NEUROD4: variants seen among roughly 807,000 people sequenced by gnomAD.
NEUROD4 encodes neuronal differentiation 4.
NEUROD4 carries 16 observed loss-of-function variants against 19.8 expected under a neutral mutation model. The ratio of observed to expected loss-of-function variants is 0.81; its 90% CI spans 0.55 to 1.23. NEUROD4 has a LOEUF of 1.23. Ranked by LOEUF, NEUROD4 falls within the 50% of genes most tolerant of loss-of-function variation. NEUROD4 has a pLI of 0.00. For missense variants in NEUROD4, 439 were observed against 398.6 expected (o/e 1.10, Z -0.86); for synonymous variants, 153 against 147.9 (o/e 1.03, Z -0.25).
At chr12:55,024,748 G>T (rs1262343221) in intron 1 of NEUROD4, among the ~76,000 whole-genome samples, 1 of 152,162 alleles carries the variant, frequency 6.6e-6, no homozygotes, top group African/African-American at 2.4e-5. Context: ...AAGTTCCAAT[G>T]TGTGTTTTCA....
rs768906114 is a variant in NEUROD4 at position 55,027,421 on chromosome 12, G to C, written c.982G>C (p.Val328Leu). Reference sequence around the variant, plus strand: ...TGGTATTGGGACCCAACTCAATACAGTCTTCACTGAGTGAGGCAGTTAAGT... The same window carrying C: ...TGGTATTGGGACCCAACTCAATACACTCTTCACTGAGTGAGGCAGTTAAGT... Reference protein sequence around the residue: ...HHGIGTQLNTVFTE With the variant: ...HHGIGTQLNTLFTE The change falls in exon 2 of 2, where the codon GTC becomes CTC. Residue 328 changes from valine (V) to leucine (L), a missense_variant. Coordinates refer to ENST00000242994, the MANE Select transcript of NEUROD4 (RefSeq NM_021191.3). 4 of 1,604,432 alleles carry C rather than the reference G, an allele frequency of 2.5e-6. No homozygotes were observed. The highest frequency in any genetic ancestry group is 1.7e-5 in the Admixed American group (1 of 58,510).
intron 1 of NEUROD4, among the ~76,000 whole-genome samples, chr12:55,025,281 T>C (rs1952715223): frequency 6.6e-6 from 1 of 152,268 alleles, no homozygotes; most frequent in Non-Finnish European, 1.5e-5. Context: ...TGTTAGTGAA[T>C]TAAAGTAGTC....
Position 55,027,481 on chromosome 12 carries a change from C to T in NEUROD4, c.*46C>T, listed in dbSNP as rs752425590. The stretch of plus-strand genomic sequence containing the variant: ...CAGAGAATGACGTGGAGACATTTTC[C>T]ATAATTCAAGTGGTTGAGCTAAAGA... On this transcript the variant is annotated 3_prime_UTR_variant, in exon 2 of 2. Transcript: ENST00000242994. 4 of 1,528,522 alleles carry T rather than the reference C, an allele frequency of 2.6e-6. No individual in the cohort carries two copies. The highest frequency in any genetic ancestry group is 2.3e-5 in the East Asian group (1 of 44,254). 94.7% of individuals were successfully genotyped at this position (1,528,522 alleles called of 1,614,324 possible).
Position 55,028,393 on chromosome 12 carries a change from C to A in NEUROD4, c.*958C>A, listed in dbSNP as rs1193285815. 1.8e-5 allele frequency: 3 copies of A among 166,986 alleles called. No individual in the cohort carries two copies. Among genetic ancestry groups the A allele is most frequent in the Admixed American group, 6.5e-5 (1 of 15,270 alleles). 10.3% of individuals were successfully genotyped at this position (166,986 alleles called of 1,614,324 possible). ...TCAGGTGCTGCTGTTAGAATCAGCA[C>A]ACAACACAGGTTTATATTAAAGAGC... On this transcript the variant is annotated 3_prime_UTR_variant, in exon 2 of 2. Transcript: ENST00000242994.
In NEUROD4 at chr12:55,028,643, T is replaced by C; in HGVS notation, c.*1208T>C. The C allele has an allele frequency of 6.0e-6, 1 of 167,042 alleles. No individual in the cohort carries two copies. The highest frequency in any genetic ancestry group is 1.9e-4 in the East Asian group (1 of 5,196). 10.3% of individuals were successfully genotyped at this position (167,042 alleles called of 1,614,324 possible). On this transcript the variant is annotated 3_prime_UTR_variant, in exon 2 of 2. Transcript: ENST00000242994. ...TTAAATTTTTCCAACATATATGTAG[T>C]TCCTTATCTCTCCCCCTACACTAAT...
chr12:55,025,868 C>G (rs1288694600), intron 1 of NEUROD4, among the ~76,000 whole-genome samples: 1 of 152,178 alleles, frequency 6.6e-6, no homozygotes, highest in Non-Finnish European at 1.5e-5. Flanking sequence ...CTTCTAAATA[C>G]AGGTTGAGTA....
In NEUROD4 at chr12:55,028,747, A is replaced by G. The variant is rs1261186653; in HGVS notation, c.*1312A>G. Reference sequence around the variant, plus strand: ...ACATTTCAGGTGACCAAACTTAAGGATGCAGAAATGAAATCCAAGGTTGGT... The same window carrying G: ...ACATTTCAGGTGACCAAACTTAAGGGTGCAGAAATGAAATCCAAGGTTGGT... On this transcript the variant is annotated 3_prime_UTR_variant, in exon 2 of 2. Transcript: ENST00000242994. 6.0e-6 allele frequency: 1 copy of G among 167,070 alleles called. No homozygotes were observed. Among genetic ancestry groups the G allele is most frequent in the Non-Finnish European group, 1.5e-5 (1 of 68,120 alleles). The allele number at this position is 167,070 out of a possible 1,614,324, so 10.3% of individuals were successfully genotyped here. A position where few individuals can be genotyped will look rare whatever the true frequency, so the allele number is the denominator to read the frequency against.
At position 55,027,874 on chromosome 12, in the gene NEUROD4, T is replaced by C. The variant is rs144421561; in HGVS notation, c.*439T>C. 1 of 171,218 alleles carries C rather than the reference T, an allele frequency of 5.8e-6. No homozygotes were observed. The highest frequency in any genetic ancestry group is 1.9e-4 in the East Asian group (1 of 5,252). The allele number at this position is 171,218 out of a possible 1,614,324, so 10.6% of individuals were successfully genotyped here. ...TTCTGAAATGCTATAACTGTGGTGA[T>C]CACTCTTGACAATTTCTTGAAACTG... On this transcript the variant is annotated 3_prime_UTR_variant, in exon 2 of 2. Coordinates refer to ENST00000242994, the MANE Select transcript of NEUROD4 (RefSeq NM_021191.3).
chr12:55,027,348 C>A lies in NEUROD4; in HGVS notation c.909C>A (p.Pro303=). The change falls in exon 2 of 2, where the codon CCC becomes CCA. Residue 303 remains proline, a synonymous_variant. Coordinates refer to ENST00000242994, the MANE Select transcript of NEUROD4 (RefSeq NM_021191.3). ...CAACTCCTTTTCAGGCTGGTACCCCCCGTTATGATGTTCCTATAGACATGT... is the reference window on the plus strand; with the variant it reads ...CAACTCCTTTTCAGGCTGGTACCCCACGTTATGATGTTCCTATAGACATGT... ...VHSTPFQAGT[P]RYDVPIDMSY... 1 of 1,614,080 alleles carries A rather than the reference C, an allele frequency of 6.2e-7. No individual in the cohort carries two copies. Among genetic ancestry groups the A allele is most frequent in the Non-Finnish European group, 8.5e-7 (1 of 1,179,956 alleles).
At chr12:55,020,648 T>C (rs900049686) in intron 1 of NEUROD4, among the ~76,000 whole-genome samples, 1 of 152,112 alleles carries the variant, frequency 6.6e-6, no homozygotes, top group Admixed American at 6.6e-5. Flanking sequence ...TGTCGAAAAG[T>C]TTAACTGCTT....
intron 1 of NEUROD4, 32 bp from the exon 2 acceptor site, chr12:55,026,399 A>G: frequency 6.5e-7 from 1 of 1,542,650 alleles, no homozygotes; most frequent in Non-Finnish European, 8.7e-7. Context: ...AGGTACTCAC[A>G]GGAATTAACC....
Position 55,022,596 on chromosome 12 carries a change from G to A in NEUROD4, c.-10+2283G>A, listed in dbSNP as rs117055004. Among the ~76,000 whole-genome samples, 736 of 152,228 alleles carry A rather than the reference G, an allele frequency of 4.8e-3. 3 individuals carry two copies. The highest frequency in any genetic ancestry group is 9.2e-3 in the Admixed American group (140 of 15,296). ...TGGGAAAAATTGTATTCGCAATACAGAAGGTTCATGAATCTGAAAATGTAT... is the reference window on the plus strand; with the variant it reads ...TGGGAAAAATTGTATTCGCAATACAAAAGGTTCATGAATCTGAAAATGTAT... On this transcript the variant is annotated intron_variant, in intron 1 of 1. Transcript: ENST00000242994.
chr12:55,027,367 G>C lies in NEUROD4; in HGVS notation c.928G>C (p.Asp310His), dbSNP rs1208621935. 6.4e-5 allele frequency: 103 copies of C among 1,613,730 alleles called. No individual in the cohort carries two copies. The highest frequency in any genetic ancestry group is 8.7e-5 in the Non-Finnish European group (103 of 1,179,864). Residue 310 changes from aspartate (D) to histidine (H), a missense_variant, in exon 2 of 2, where the codon GAC becomes CAC. Transcript: ENST00000242994. ...AGTPRYDVPIDMSYDSYPHHG... is the reference protein window; with the variant it reads ...AGTPRYDVPIHMSYDSYPHHG... ...TACCCCCCGTTATGATGTTCCTATA[G>C]ACATGTCCTATGATTCCTACCCCCA...
chr12:55,026,336 G>T, intron 1 of NEUROD4, 95 bp from the exon 2 acceptor site: 1 of 1,074,782 alleles, frequency 9.3e-7, no homozygotes, highest in Non-Finnish European at 1.3e-6. Flanking sequence ...ATTTAGAATG[G>T]AAGACTTGGA....
At position 55,027,917 on chromosome 12, in the gene NEUROD4, T is replaced by C. The variant is rs1220189663; in HGVS notation, c.*482T>C. The stretch of plus-strand genomic sequence containing the variant: ...TGAAACTGAAAGAATAGAGAAATAA[T>C]AGGAAAGGGATGCTATGCATAGAAT... On this transcript the variant is annotated 3_prime_UTR_variant, in exon 2 of 2. Transcript: ENST00000242994. 5.9e-6 allele frequency: 1 copy of C among 168,754 alleles called. No homozygotes were observed. The highest frequency in any genetic ancestry group is 1.4e-5 in the Non-Finnish European group (1 of 69,502). 10.5% of individuals were successfully genotyped at this position (168,754 alleles called of 1,614,324 possible).
rs1419032933 is a variant in NEUROD4, at chr12:55,026,860, G to A, written c.421G>A (p.Glu141Lys). ...LARNYIWALS[E>K]VLETGQTPEG... is the part of the protein sequence containing the mutation. The stretch of plus-strand genomic sequence containing the variant: ...CAGGAACTATATTTGGGCTTTATCT[G>A]AAGTCCTGGAGACTGGCCAGACACC... The change falls in exon 2 of 2, where the codon GAA (glutamate) becomes AAA (lysine). Residue 141 changes from glutamate to lysine, a missense_variant. Coordinates refer to ENST00000242994, the MANE Select transcript of NEUROD4 (RefSeq NM_021191.3). 6.2e-7 allele frequency: 1 copy of A among 1,614,084 alleles called. No individual in the cohort carries two copies. Among genetic ancestry groups the A allele is most frequent in the Non-Finnish European group, 8.5e-7 (1 of 1,179,982 alleles).
At position 55,027,378 on chromosome 12, in the gene NEUROD4, T is replaced by A; in HGVS notation, c.939T>A (p.Tyr313Ter). 6.2e-7 allele frequency: 1 copy of A among 1,613,888 alleles called. No homozygotes were observed. The change falls in exon 2 of 2, where the codon TAT becomes TAA. Residue 313 changes from tyrosine (Y) to a stop codon, truncating the protein, a stop_gained. Coordinates refer to ENST00000242994, the MANE Select transcript of NEUROD4 (RefSeq NM_021191.3). LOFTEE classifies it high-confidence loss of function. ...ATGATGTTCCTATAGACATGTCCTA[T>A]GATTCCTACCCCCATCATGGTATTG... ...PRYDVPIDMS[Y>*]DSYPHHGIGT...
chr12:55,027,595 C>T lies in NEUROD4; in HGVS notation c.*160C>T. On this transcript the variant is annotated 3_prime_UTR_variant, in exon 2 of 2. Transcript: ENST00000242994. ...TTCCTTCACCTATCACCTCTTTTCT[C>T]ATCACCTTCTCACATTGCATTGATT... 1 of 665,200 alleles carries T rather than the reference C, an allele frequency of 1.5e-6. No individual in the cohort carries two copies. The highest frequency in any genetic ancestry group is 2.9e-5 in the Admixed American group (1 of 34,674). The allele number at this position is 665,200 out of a possible 1,614,324, so 41.2% of individuals were successfully genotyped here.
Position 55,026,659 on chromosome 12 carries a change from A to G in NEUROD4, c.220A>G (p.Lys74Glu), listed in dbSNP as rs996381904. 21 of 1,614,006 alleles carry G rather than the reference A, an allele frequency of 1.3e-5. No homozygotes were observed. The highest frequency in any genetic ancestry group is 1.6e-5 in the Non-Finnish European group (19 of 1,179,994). Residue 74 changes from lysine (K) to glutamate (E), a missense_variant, in exon 2 of 2, where the codon AAA (lysine) becomes GAA (glutamate). Physicochemically the swap from Lys to Glu is moderately conservative, Grantham distance 56. Coordinates refer to ENST00000242994, the MANE Select transcript of NEUROD4 (RefSeq NM_021191.3). ...GEKPKRRGPK[K>E]KKMTKARLER... ...GAAACCTAAGAGAAGGGGTCCCAAG[A>G]AAAAGAAGATGACCAAAGCTCGCCT...
Sources: gnomAD v4.1 joint callset for allele counts (sites outside exome capture counted in the v4.1 genomes callset) on GRCh38, gnomAD v4.1.1 for gene constraint, MANE v1.5 for transcripts, NCBI Gene and HGNC (gene_info 2026-07-23, HGNC 2026-07-21) for gene names.